The following SHC2 variants were observed in gnomAD, a reference collection of about 807,000 sequenced individuals.
SHC2 encodes the protein SHC adaptor protein 2.
SHC2 carries 62 observed loss-of-function variants against 60.6 expected under a neutral mutation model. The ratio of observed to expected loss-of-function variants is 1.02; its 90% confidence interval spans 0.83 to 1.26. The LOEUF is 1.26. Among genes scored for constraint, SHC2 ranks in the 50% most tolerant of loss-of-function variants. The probability of loss-of-function intolerance (pLI) is 0.00; values close to 1 mark genes in which losing one functional copy is unlikely to be tolerated. For synonymous variants in SHC2, 375 were observed against 372.4 expected (o/e 1.01, Z -0.08); for missense variants, 873 against 822.2 (o/e 1.06, Z -0.76).
rs950273824 is a variant in SHC2, at chr19:453,909, C to T, written c.468+6620G>A. On this transcript the variant is annotated intron_variant, in intron 1 of 12. Transcript: ENST00000264554. This position sits in a 1 kb window ranked among gnomAD's most constrained non-coding sequence, Gnocchi z 6.3. ...GCAGAGAGCAGGACGGCCTGACTCA[C>T]GGGACTTCTGTGTATGGACGAGCCC... Among the ~76,000 whole-genome samples, 11 of 152,186 alleles carry T rather than the reference C, an allele frequency of 7.2e-5. No individual in the cohort carries two copies. The highest frequency in any genetic ancestry group is 6.5e-5 in the Admixed American group (1 of 15,268).
At chr19:436,456 G>T in intron 5 of SHC2, 25 bp from the exon 6 acceptor site, 1 of 1,602,490 alleles carries the variant, frequency 6.2e-7, no homozygotes, top group South Asian at 1.1e-5. Context: ...GGGCCAGCTG[G>T]ACCTGCCTGG....
At chr19:420,784 G>C (rs990261725) in intron 11 of SHC2, among the ~76,000 whole-genome samples, 3 of 152,228 alleles carry the variant, frequency 2.0e-5, no homozygotes, top group Non-Finnish European at 4.4e-5. Context: ...GGGCGCGGTG[G>C]CTCACGCCTG....
chr19:422,365 G>A lies in SHC2; in HGVS notation c.1401C>T (p.Ser467=), dbSNP rs753475385. 13 of 1,604,564 alleles carry A rather than the reference G, an allele frequency of 8.1e-6. No homozygotes were observed. Among genetic ancestry groups the A allele is most frequent in the Non-Finnish European group, 1.0e-5 (12 of 1,176,432 alleles). ...CCACAGGGGCCCGGCGGGTAGGGGG[G>A]CTGGGCCACTGGTCCTCCAAGGGAA... ...APLPLEDQWP[S]PPTRRAPVAP... Residue 467 remains serine, a synonymous_variant, in exon 11 of 13, where the codon AGC becomes AGT. Coordinates refer to ENST00000264554, the MANE Select transcript of SHC2 (RefSeq NM_012435.3). The surrounding 1 kb of genome is among the most constrained non-coding windows in gnomAD (Gnocchi z 5.0).
rs113147017 is a variant in SHC2, at chr19:422,904, G to C, written c.1310-448C>G. 1,127 of 165,266 alleles carry C rather than the reference G, an allele frequency of 6.8e-3. 12 individuals are homozygous for C. The highest frequency in any genetic ancestry group is 0.025 in the African/African-American group (1,048 of 41,720). The allele number at this position is 165,266 out of a possible 1,614,324, so 10.2% of individuals were successfully genotyped here. ...CCCTAGCGTTAAAATGTTCTGCCCT[G>C]GGTTTTCTAACGGCTTCCAACAATG... is the stretch of plus-strand genomic sequence containing the variant. On this transcript the variant is annotated intron_variant, in intron 10 of 12. Transcript: ENST00000264554. The surrounding 1 kb of genome is among the most constrained non-coding windows in gnomAD (Gnocchi z 5.0).
Position 436,423 on chromosome 19 carries a change from C to T in SHC2, c.783G>A (p.Thr261=), listed in dbSNP as rs576104329. The change falls in exon 6 of 13, where the codon ACG becomes ACA. Residue 261 remains threonine (T), a synonymous_variant. Transcript: ENST00000264554. The part of the protein sequence containing the change: ...SFASGGDTDM[T]DYVAYVAKDP... ...CCTTGGCGACGTAGGCCACGTAATC[C>T]GTCATGTCCTGGGGGCGGGGAGGGG... 97 of 1,597,778 alleles carry T rather than the reference C, an allele frequency of 6.1e-5. 1 individual carries two copies. In the South Asian group the frequency reaches 8.7e-4, roughly 14 times the overall value.
intron 1 of SHC2, among the ~76,000 whole-genome samples, chr19:458,282 AAG>A (rs1253670428): frequency 8.6e-5 from 11 of 127,842 alleles, no homozygotes; most frequent in South Asian, 2.7e-4. Context: ...GGGGAGGCGG[AAG>A]TGGGTCCCGG....
chr19:456,597 CAGAG>C (rs899252884), intron 1 of SHC2, among the ~76,000 whole-genome samples: 2 of 152,160 alleles, frequency 1.3e-5, no homozygotes, highest in African/African-American at 4.8e-5. Context: ...CCACAGCCCA[CAGAG>C]AGAGTCCCGC....
intron 5 of SHC2, 45 bp from the exon 6 acceptor site, chr19:436,476 C>T (rs974258413): frequency 1.2e-5 from 20 of 1,601,036 alleles, no homozygotes; most frequent in Admixed American, 3.5e-5. Flanking sequence ...GGCCCCCCAC[C>T]GGGATTCCCA....
At position 434,787 on chromosome 19, in the gene SHC2, C is replaced by T. The variant is rs1330494957; in HGVS notation, c.1032G>A (p.Gly344=). ...LEHNYYNSIP[G]KEPPLGGLVD... The stretch of plus-strand genomic sequence containing the variant: ...CTAGCCCGCCCAGCGGCGGCTCCTT[C>T]CCCGGGATGCTGTTGTAGTAATTGT... Residue 344 remains glycine (G), a synonymous_variant, in exon 8 of 13, where the codon GGG becomes GGA. Transcript: ENST00000264554. 3.1e-6 allele frequency: 5 copies of T among 1,612,872 alleles called. No individual in the cohort carries two copies. The highest frequency in any genetic ancestry group is 4.2e-6 in the Non-Finnish European group (5 of 1,179,818).
chr19:456,006 G>A (rs1037540372), intron 1 of SHC2, among the ~76,000 whole-genome samples: 6 of 152,176 alleles, frequency 3.9e-5, no homozygotes, highest in African/African-American at 1.4e-4. Context: ...GTGCGTGCGT[G>A]ACGAGTGCCC....
intron 1 of SHC2, among the ~76,000 whole-genome samples, chr19:459,460 C>A (rs1335059279): frequency 6.2e-5 from 9 of 145,082 alleles, no homozygotes; most frequent in African/African-American, 2.4e-4. Flanking sequence ...GGGGAAGGAC[C>A]CCTCTCAACT....
intron 1 of SHC2, among the ~76,000 whole-genome samples, chr19:443,048 CGGGTGGGTGGATGAGTGGAT>C (rs1256203516): frequency 3.3e-5 from 1 of 29,984 alleles, no homozygotes; most frequent in Admixed American, 4.3e-4. Flanking sequence ...GATGGATGGA[CGGGTGGGTGGATGAGTGGAT>C]GGGTGGGTGG....
intron 1 of SHC2, among the ~76,000 whole-genome samples, chr19:455,810 G>T (rs925364601): frequency 1.3e-5 from 2 of 152,100 alleles, no homozygotes; most frequent in Non-Finnish European, 2.9e-5. Context: ...AGCAGCCACA[G>T]CGCAGCCTCT....
At chr19:439,453 G>A (rs1175672929) in intron 2 of SHC2, 5 of 228,450 alleles carry the variant, frequency 2.2e-5, no homozygotes, top group African/African-American at 6.9e-5. Flanking sequence ...CGCGGGGTCC[G>A]TGTCGAGATC....
In SHC2 at chr19:460,944, T is replaced by G. The variant is rs1975537838; in HGVS notation, c.53A>C (p.Glu18Ala). The G allele has an allele frequency of 4.1e-6, 4 of 984,638 alleles. No individual in the cohort carries two copies. In the South Asian group the frequency reaches 1.8e-4, roughly 45 times the overall value. 61.0% of individuals were successfully genotyped at this position (984,638 alleles called of 1,614,324 possible). The change falls in exon 1 of 13, where the codon GAG (glutamate) becomes GCG (alanine). Residue 18 changes from glutamate (E) to alanine (A), a missense_variant. Coordinates refer to ENST00000264554, the MANE Select transcript of SHC2 (RefSeq NM_012435.3). ...GCAGAAGGTGGTGGGCGCCTCGGGC[T>G]CGGGGGGCGCGGGGGGCGCCGGGGG... ...RAPPAPPAPPEPEAPTTFCAL... is the reference protein window; with the variant it reads ...RAPPAPPAPPAPEAPTTFCAL...
intron 1 of SHC2, among the ~76,000 whole-genome samples, chr19:451,814 G>A (rs112607013): frequency 6.6e-6 from 1 of 152,046 alleles, no homozygotes; most frequent in Non-Finnish European, 1.5e-5. Flanking sequence ...ACAGGCTGGT[G>A]TCGAACTCCT....
chr19:439,059 G>T (rs376741201), intron 2 of SHC2, 29 bp from the exon 3 acceptor site: 67 of 1,538,108 alleles, frequency 4.4e-5, no homozygotes, highest in Non-Finnish European at 5.4e-5. Flanking sequence ...GGCTTAGAGA[G>T]TGTGGTGGGG....
intron 7 of SHC2, 138 bp from the exon 8 acceptor site, chr19:435,003 G>T (rs1413449049): frequency 1.2e-6 from 1 of 855,860 alleles, no homozygotes; most frequent in Non-Finnish European, 1.7e-6. Flanking sequence ...GTTCCTACCG[G>T]GAAACGCTTC....
At chr19:448,018 C>T (rs992524792) in intron 1 of SHC2, among the ~76,000 whole-genome samples, 3 of 152,184 alleles carry the variant, frequency 2.0e-5, no homozygotes, top group African/African-American at 4.8e-5. Flanking sequence ...GACCGGATGC[C>T]GGGGCCAGGG....
Sources: allele counts gnomAD v4.1 joint callset (sites outside exome capture counted in the v4.1 genomes callset), GRCh38; gene constraint gnomAD v4.1.1; non-coding constraint Gnocchi (gnomAD v3.1); transcripts MANE v1.5; gene names NCBI Gene and HGNC (gene_info 2026-07-23, HGNC 2026-07-21).